Variants in ITGA9 observed in about 807,000 individuals in gnomAD.
The protein encoded by ITGA9 is integrin alpha-9.
In ITGA9, 56 loss-of-function variants were observed where a neutral mutation model predicts 127.8. That is an observed-to-expected ratio of 0.44 (90% CI 0.35 to 0.55). The LOEUF is 0.55. Ranked by LOEUF, ITGA9 falls within the 20% of genes least tolerant of loss-of-function variation. The pLI is 0.00. For synonymous variants in ITGA9, 508 were observed against 514.5 expected, an observed-to-expected ratio of 0.99 and a Z score of 0.17; for missense variants, 1,196 against 1,347.1, an observed-to-expected ratio of 0.89 and a Z score of 1.76.
At chr3:37,602,306 A>G (rs1226586536) in intron 15 of ITGA9, among the ~76,000 whole-genome samples, 1 of 152,228 alleles carries the variant, frequency 6.6e-6, no homozygotes, top group East Asian at 1.9e-4. Flanking sequence ...CTTATATCCC[A>G]TCAGTTTATT....
intron 27 of ITGA9, chr3:37,807,011 G>A (rs944268520): frequency 1.3e-5 from 2 of 152,326 alleles, no homozygotes; most frequent in Non-Finnish European, 2.9e-5. Context: ...GTGCTGCGCA[G>A]TAACTGCTCT....
At chr3:37,551,093 G>A (rs1699374115) in intron 15 of ITGA9, among the ~76,000 whole-genome samples, 3 of 152,196 alleles carry the variant, frequency 2.0e-5, no homozygotes, top group Admixed American at 2.0e-4. Context: ...TAAATTTGTG[G>A]GGTCAGTTAA....
At chr3:37,749,656 G>T (rs1696555977) in intron 22 of ITGA9, 1 of 152,208 alleles carries the variant, frequency 6.6e-6, no homozygotes, top group South Asian at 2.1e-4. Context: ...CTCAGGAAAT[G>T]ATTGACTTCT....
chr3:37,811,766 G>C (rs1373749762), intron 27 of ITGA9, among the ~76,000 whole-genome samples: 2 of 152,184 alleles, frequency 1.3e-5, no homozygotes, highest in Non-Finnish European at 2.9e-5. Context: ...CAGCCCTATG[G>C]CCATGTCTTC....
At position 37,621,766 on chromosome 3, in the gene ITGA9, A is replaced by G. The variant is rs149590550; in HGVS notation, c.1690-7421A>G. Among the ~76,000 whole-genome samples the G allele has an allele frequency of 4.3e-4, 66 of 152,348 alleles. 1 individual carries two copies. In the East Asian group the frequency reaches 0.01, roughly 24 times the overall value. On this transcript the variant is annotated intron_variant, in intron 15 of 27. Coordinates refer to ENST00000264741, the MANE Select transcript of ITGA9 (RefSeq NM_002207.3). ...GAGCACTGATGCTTGCCAAAGGGTTATACATTTCAGACTAATGATGATATC... is the reference window on the plus strand; with the variant it reads ...GAGCACTGATGCTTGCCAAAGGGTTGTACATTTCAGACTAATGATGATATC...
At chr3:37,755,539 A>G (rs1002159769) in intron 23 of ITGA9, among the ~76,000 whole-genome samples, 1 of 152,262 alleles carries the variant, frequency 6.6e-6, no homozygotes, top group Non-Finnish European at 1.5e-5. Context: ...CAGTGTTTCC[A>G]TGAAACAGAA....
intron 15 of ITGA9, among the ~76,000 whole-genome samples, chr3:37,543,714 A>G (rs1472164875): frequency 6.6e-6 from 1 of 152,196 alleles, no homozygotes; most frequent in Non-Finnish European, 1.5e-5. Flanking sequence ...GTGCCAGAGC[A>G]GAAGAATAAC....
chr3:37,692,530 T>C (rs571334241), intron 18 of ITGA9, among the ~76,000 whole-genome samples: 1 of 152,156 alleles, frequency 6.6e-6, no homozygotes, highest in African/African-American at 2.4e-5. Flanking sequence ...AAAATAAAAT[T>C]ATATGAAAAT....
At chr3:37,796,738 C>G (rs969750350) in intron 26 of ITGA9, among the ~76,000 whole-genome samples, 3 of 152,188 alleles carry the variant, frequency 2.0e-5, no homozygotes, top group Non-Finnish European at 4.4e-5. Flanking sequence ...CATACTTCAT[C>G]TGATTTTATA....
intron 17 of ITGA9, among the ~76,000 whole-genome samples, chr3:37,672,250 G>A (rs1037526847): frequency 4.5e-4 from 67 of 148,632 alleles, no homozygotes; most frequent in African/African-American, 1.5e-3. Flanking sequence ...TGTAGCTCCC[G>A]TAATTCCCAC....
chr3:37,598,818 C>T (rs943117350), intron 15 of ITGA9, among the ~76,000 whole-genome samples: 2 of 152,160 alleles, frequency 1.3e-5, no homozygotes, highest in African/African-American at 2.4e-5. Flanking sequence ...GTCCTTCCCA[C>T]CAGGAATCTC....
chr3:37,665,513 T>C (rs1176601511), intron 17 of ITGA9, among the ~76,000 whole-genome samples: 1 of 151,996 alleles, frequency 6.6e-6, no homozygotes, highest in Non-Finnish European at 1.5e-5. Context: ...ACAGTGGCGC[T>C]ATCTTGGCTC....
At chr3:37,617,887 C>A (rs1289602484) in intron 15 of ITGA9, among the ~76,000 whole-genome samples, 2 of 152,114 alleles carry the variant, frequency 1.3e-5, no homozygotes, top group African/African-American at 4.8e-5. Flanking sequence ...AGGTTTTTAA[C>A]TTCTTTGCCA....
In ITGA9 at chr3:37,736,990, G is replaced by A; in HGVS notation, c.2234+7G>A. On this transcript the variant is annotated splice_region_variant and intron_variant, in intron 20 of 27. Transcript: ENST00000264741. ...TCATTGTTACTGCTCAGAGGTAAGG[G>A]GGGGGTTTAAACACTTTTTTCAAAG... 2 of 1,589,818 alleles carry A rather than the reference G, an allele frequency of 1.3e-6. No individual in the cohort carries two copies. The highest frequency in any genetic ancestry group is 1.1e-5 in the South Asian group (1 of 90,526).
At chr3:37,651,986 C>T (rs1002264804) in intron 16 of ITGA9, among the ~76,000 whole-genome samples, 2 of 152,204 alleles carry the variant, frequency 1.3e-5, no homozygotes, top group African/African-American at 4.8e-5. Context: ...TCTACCCCTT[C>T]ACCTCTCCAT....
At chr3:37,506,292 G>A (rs770055804) in intron 7 of ITGA9, among the ~76,000 whole-genome samples, 7 of 152,024 alleles carry the variant, frequency 4.6e-5, no homozygotes, top group Admixed American at 1.3e-4. Flanking sequence ...TCACACTCTC[G>A]ATTTCCTGCA....
intron 15 of ITGA9, among the ~76,000 whole-genome samples, chr3:37,617,668 ATTC>A (rs1700088124): frequency 6.6e-6 from 1 of 152,072 alleles, no homozygotes; most frequent in Non-Finnish European, 1.5e-5. Context: ...GTTTCTTTTT[ATTC>A]TTTTTTCTCT....
rs551727732 is a variant in ITGA9 at position 37,814,501 on chromosome 3, G to T, written c.3010-4390G>T. On this transcript the variant is annotated intron_variant, in intron 27 of 27. Transcript: ENST00000264741. This position sits in a 1 kb window ranked among gnomAD's most constrained non-coding sequence, Gnocchi z 4.3. ...AATCGCTTGAACCCGAGAGGTGGAG[G>T]TTGCAGTGAGCCAAGATCGTGCCAC... Among the ~76,000 whole-genome samples, 27 of 152,280 alleles carry T rather than the reference G, an allele frequency of 1.8e-4. No homozygotes were observed. The highest frequency in any genetic ancestry group is 6.5e-4 in the African/African-American group (27 of 41,544).
At chr3:37,607,404 T>C (rs894729099) in intron 15 of ITGA9, among the ~76,000 whole-genome samples, 11 of 152,284 alleles carry the variant, frequency 7.2e-5, no homozygotes, top group Middle Eastern at 3.4e-3. Flanking sequence ...TTTTTTTCTA[T>C]CTACAAGTGA....
Sources: gnomAD v4.1 joint callset for allele counts (sites outside exome capture counted in the v4.1 genomes callset) on GRCh38, gnomAD v4.1.1 for gene constraint, Gnocchi (gnomAD v3.1) non-coding constraint, MANE v1.5 for transcripts, NCBI Gene and HGNC (gene_info 2026-07-23, HGNC 2026-07-21) for gene names.